DIAPH2: variants seen among roughly 807,000 people sequenced by gnomAD.
The protein encoded by DIAPH2 is protein diaphanous homolog 2.
Under a neutral mutation model 92.7 loss-of-function variants are expected in DIAPH2, and 35 were observed. That is an observed-to-expected ratio of 0.38 (90% CI 0.29 to 0.50). DIAPH2 has a LOEUF of 0.50. Among genes scored for constraint, DIAPH2 ranks in the 20% least tolerant of loss-of-function variants. DIAPH2 has a pLI of 0.94. For synonymous variants in DIAPH2, 301 were observed against 280.4 expected, an observed-to-expected ratio of 1.07 and a Z score of -0.73; for missense variants, 701 against 819.5, an observed-to-expected ratio of 0.86 and a Z score of 1.77.
intron 1 of DIAPH2, among the ~76,000 whole-genome samples, chrX:96,718,501 G>A (rs1171779655): frequency 1.9e-5 from 2 of 107,353 alleles, no homozygotes; most frequent in African/African-American, 6.8e-5. Context: ...CTATAGGCGC[G>A]TGCCATCATA....
At chrX:97,497,819 G>A (rs916573794) in intron 26 of DIAPH2, among the ~76,000 whole-genome samples, 4 of 110,861 alleles carry the variant, frequency 3.6e-5, no homozygotes, top group Admixed American at 9.7e-5. Flanking sequence ...GAAAGAAATT[G>A]CGGGCCAAAG....
chrX:97,511,977 G>T (rs1394839627), intron 26 of DIAPH2, among the ~76,000 whole-genome samples: 3 of 113,344 alleles, frequency 2.6e-5, no homozygotes, highest in Admixed American at 1.8e-4. Context: ...TCTCTTTTTT[G>T]GTTGTGTCTC....
intron 22 of DIAPH2, among the ~76,000 whole-genome samples, chrX:97,217,461 C>G (rs777928037): frequency 3.0e-4 from 34 of 111,718 alleles, no homozygotes; most frequent in African/African-American, 1.1e-3. Flanking sequence ...TAAAGCTGTT[C>G]TGCTGGCAGT....
chrX:97,514,242 C>T (rs1277318199), intron 26 of DIAPH2, among the ~76,000 whole-genome samples: 1 of 111,940 alleles, frequency 8.9e-6, no homozygotes, highest in Non-Finnish European at 1.9e-5. Context: ...CTTTCCTTCT[C>T]GCTTCATTTC....
chrX:96,917,729 T>A (rs188554505), intron 8 of DIAPH2, among the ~76,000 whole-genome samples: 1 of 111,382 alleles, frequency 9.0e-6, no homozygotes, highest in Admixed American at 9.6e-5. Context: ...TTGTGCTAGA[T>A]AATTATACAT....
intron 26 of DIAPH2, among the ~76,000 whole-genome samples, chrX:97,453,782 C>T (rs1219380239): frequency 1.8e-5 from 2 of 111,472 alleles, no homozygotes; most frequent in Admixed American, 9.5e-5. Context: ...TTAGATCTTC[C>T]GAAGAGAGAT....
chrX:97,259,416 A>C (rs2147567857), intron 23 of DIAPH2, among the ~76,000 whole-genome samples: 1 of 112,151 alleles, frequency 8.9e-6, no homozygotes, highest in East Asian at 2.8e-4. Flanking sequence ...AAGAGGGTAA[A>C]AATCAAATTC....
At chrX:97,509,009 A>G (rs1419222763) in intron 26 of DIAPH2, among the ~76,000 whole-genome samples, 1 of 71,458 alleles carries the variant, frequency 1.4e-5, no homozygotes, top group Non-Finnish European at 2.9e-5. Context: ...AAAAGCATAC[A>G]AAGTTATTTA....
chrX:97,491,571 C>T (rs1022563722), intron 26 of DIAPH2, among the ~76,000 whole-genome samples: 3 of 110,244 alleles, frequency 2.7e-5, no homozygotes, highest in Admixed American at 9.7e-5. Context: ...CCACCACACC[C>T]GGCTAATTTT....
chrX:97,441,581 G>T (rs1054494663), intron 26 of DIAPH2, among the ~76,000 whole-genome samples: 1 of 111,861 alleles, frequency 8.9e-6, no homozygotes. Context: ...ACTTTCGGAG[G>T]CTGAGGCAGG....
intron 21 of DIAPH2, among the ~76,000 whole-genome samples, chrX:97,131,127 A>AAAT (rs1569308686): frequency 9.0e-6 from 1 of 110,499 alleles, no homozygotes; most frequent in Non-Finnish European, 1.9e-5. Context: ...AATAAATAAA[A>AAAT]AAGTGTTCAC....
At chrX:96,802,389 G>T (rs770275570) in intron 4 of DIAPH2, among the ~76,000 whole-genome samples, 2 of 112,016 alleles carry the variant, frequency 1.8e-5, no homozygotes, top group Admixed American at 9.5e-5. Context: ...TAGGCTTCAG[G>T]CTAGATTTGG....
chrX:97,554,929 A>C (rs1042814327), intron 26 of DIAPH2, among the ~76,000 whole-genome samples: 1 of 111,950 alleles, frequency 8.9e-6, no homozygotes, highest in African/African-American at 3.2e-5. Context: ...TACTCTACAC[A>C]GGTCTTCCAG....
At chrX:97,415,270 T>C (rs2069930747) in intron 25 of DIAPH2, among the ~76,000 whole-genome samples, 1 of 111,681 alleles carries the variant, frequency 9.0e-6, no homozygotes, top group South Asian at 3.8e-4. Context: ...ATAAACTAGT[T>C]CAACCATTGT....
rs963335873 is a variant in DIAPH2, at chrX:96,884,206, G to A, written c.587+2488G>A. On this transcript the variant is annotated intron_variant, in intron 5 of 26. Transcript: ENST00000324765. ...ATCGTAGCCTTTCGGACAGCTCGAAGCCTTCTGTGGAGAGCTCGAAGCCTT... is the reference window on the plus strand; with the variant it reads ...ATCGTAGCCTTTCGGACAGCTCGAAACCTTCTGTGGAGAGCTCGAAGCCTT... 2.8e-5 allele frequency: 18 copies of A among 646,804 alleles called. No individual in the cohort carries two copies. In the East Asian group the frequency reaches 5.6e-4, roughly 20 times the overall value. 53.3% of individuals were successfully genotyped at this position (646,804 alleles called of 1,213,427 possible). A position where few individuals can be genotyped will look rare whatever the true frequency, so the allele number is the denominator to read the frequency against.
chrX:97,022,431 A>C (rs923725318), intron 17 of DIAPH2, among the ~76,000 whole-genome samples: 7 of 111,997 alleles, frequency 6.3e-5, no homozygotes, highest in African/African-American at 2.3e-4. Context: ...TTTTTGGGGA[A>C]GAAGACCTGC....
chrX:97,555,828 A>G (rs914250383), intron 26 of DIAPH2, among the ~76,000 whole-genome samples: 4 of 112,124 alleles, frequency 3.6e-5, no homozygotes, highest in Non-Finnish European at 5.6e-5. Context: ...GGTTTTAAAT[A>G]TGAGTACACT....
At chrX:97,564,782 G>T (rs1367866157) in intron 26 of DIAPH2, among the ~76,000 whole-genome samples, 1 of 111,471 alleles carries the variant, frequency 9.0e-6, no homozygotes, top group Non-Finnish European at 1.9e-5. Flanking sequence ...ACTTATCCTG[G>T]AAGTTCTAAA....
chrX:97,454,166 CA>C (rs2070382041), intron 26 of DIAPH2: 1 of 111,694 alleles, frequency 9.0e-6, no homozygotes. Context: ...ATAGTTCTAT[CA>C]AATTGGATTT....
Sources: gnomAD v4.1 joint callset for allele counts (sites outside exome capture counted in the v4.1 genomes callset) on GRCh38, gnomAD v4.1.1 for gene constraint, MANE v1.5 for transcripts, NCBI Gene and HGNC (gene_info 2026-07-23, HGNC 2026-07-21) for gene names.